MAF: variants seen among roughly 807,000 people sequenced by gnomAD.
MAF encodes MAF bZIP transcription factor, also known as transcription factor Maf.
Under a neutral mutation model 22.0 loss-of-function variants are expected in MAF, and 10 were observed. The observed-to-expected ratio is 0.45, with a 90% CI of 0.28 to 0.77. MAF has a LOEUF of 0.77. MAF is among the 30% of genes least tolerant of loss of function. The probability of loss-of-function intolerance (pLI) is 0.12; values close to 1 mark genes in which losing one functional copy is unlikely to be tolerated. For synonymous variants in MAF, 337 were observed against 255.8 expected (o/e 1.32, Z -3.03); for missense variants, 544 against 548.4 (o/e 0.99, Z 0.08).
At chr16:79,443,075 G>A in the MAF span, among the ~76,000 whole-genome samples, 1 of 152,326 alleles carries the variant, frequency 6.6e-6, no homozygotes, top group South Asian at 2.1e-4. Context: ...GGTAACAAGT[G>A]TAAGATCATT....
At chr16:79,398,630 T>C in the MAF span, among the ~76,000 whole-genome samples, 4 of 152,134 alleles carry the variant, frequency 2.6e-5, no homozygotes, top group African/African-American at 9.7e-5. Context: ...TTTGTGTCTA[T>C]CTGTATGTGT....
At chr16:79,517,709 G>T in the MAF span, among the ~76,000 whole-genome samples, 1 of 151,568 alleles carries the variant, frequency 6.6e-6, no homozygotes, top group Non-Finnish European at 1.5e-5. Flanking sequence ...CAAGTCACAG[G>T]GATTACAGGC....
chr16:79,467,733 C>A, the MAF span, among the ~76,000 whole-genome samples: 2 of 152,084 alleles, frequency 1.3e-5, no homozygotes, highest in Admixed American at 6.5e-5. Flanking sequence ...TAACAAGCCC[C>A]CCAGTGATGC....
the MAF span, among the ~76,000 whole-genome samples, chr16:79,471,731 T>C: frequency 2.0e-5 from 3 of 152,208 alleles, no homozygotes; most frequent in Admixed American, 2.0e-4. Context: ...TGAGGTTTGC[T>C]GATGTCATAG....
chr16:79,586,197 G>C (rs1018005265), intron 1 of MAF, among the ~76,000 whole-genome samples: 4 of 152,214 alleles, frequency 2.6e-5, no homozygotes, highest in African/African-American at 7.2e-5. Context: ...CTGAGAGGCT[G>C]AGATAGCCAT....
chr16:79,564,142 G>C, the MAF span, among the ~76,000 whole-genome samples: 1 of 152,236 alleles, frequency 6.6e-6, no homozygotes, highest in Non-Finnish European at 1.5e-5. Context: ...TTTCTGCTAA[G>C]TGGCTTTCAC....
At chr16:79,518,703 T>A in the MAF span, among the ~76,000 whole-genome samples, 2 of 152,278 alleles carry the variant, frequency 1.3e-5, no homozygotes, top group East Asian at 1.9e-4. Flanking sequence ...TGGCATATAA[T>A]AAGTGCTTTA....
At chr16:79,502,387 T>C in the MAF span, among the ~76,000 whole-genome samples, 5 of 152,272 alleles carry the variant, frequency 3.3e-5, no homozygotes, top group African/African-American at 9.6e-5. Context: ...CTCATCAGGC[T>C]AGGCACAGTG....
chr16:79,265,078 T>C, the MAF span, among the ~76,000 whole-genome samples: 8 of 152,172 alleles, frequency 5.3e-5, no homozygotes, highest in African/African-American at 1.9e-4. Context: ...ACTCTACGAA[T>C]TTCCTCATCT....
chr16:79,416,217 C>G, the MAF span, among the ~76,000 whole-genome samples: 1 of 152,112 alleles, frequency 6.6e-6, no homozygotes, highest in East Asian at 1.9e-4. Flanking sequence ...TGAGCTGTGG[C>G]AGCAGAACTG....
chr16:79,466,034 C>G, the MAF span, among the ~76,000 whole-genome samples: 2 of 152,202 alleles, frequency 1.3e-5, no homozygotes, highest in Non-Finnish European at 2.9e-5. Flanking sequence ...ATGAGTGACT[C>G]TGTTACCCAC....
At chr16:79,285,468 G>C in the MAF span, among the ~76,000 whole-genome samples, 1 of 152,056 alleles carries the variant, frequency 6.6e-6, no homozygotes, top group Admixed American at 6.5e-5. Flanking sequence ...CCGAAAATTT[G>C]GTCCCTGGAC....
chr16:79,233,320 C>T, the MAF span, among the ~76,000 whole-genome samples: 2 of 151,966 alleles, frequency 1.3e-5, no homozygotes, highest in East Asian at 3.9e-4. Flanking sequence ...TGAAAATGTG[C>T]TATGTTAGCC....
At chr16:79,387,536 G>T in the MAF span, among the ~76,000 whole-genome samples, 1 of 152,168 alleles carries the variant, frequency 6.6e-6, no homozygotes, top group African/African-American at 2.4e-5. Flanking sequence ...GTCAATGCTT[G>T]TTGGGTAAGG....
At chr16:79,329,982 G>T in the MAF span, among the ~76,000 whole-genome samples, 1 of 151,892 alleles carries the variant, frequency 6.6e-6, no homozygotes, top group Non-Finnish European at 1.5e-5. Context: ...AAAGACTATG[G>T]ATTAGGAAAT....
At chr16:79,421,053 TGA>T in the MAF span, among the ~76,000 whole-genome samples, 16 of 151,282 alleles carry the variant, frequency 1.1e-4, no homozygotes, top group African/African-American at 3.9e-4. Context: ...AAAAAAAAAT[TGA>T]GAGAGAGAGA....
At chr16:79,353,156 C>T in the MAF span, among the ~76,000 whole-genome samples, 3 of 150,924 alleles carry the variant, frequency 2.0e-5, no homozygotes, top group Admixed American at 2.0e-4. Flanking sequence ...GGGTCTCACT[C>T]TATCACCCAG....
the MAF span, among the ~76,000 whole-genome samples, chr16:79,499,381 A>G: frequency 1.3e-5 from 2 of 151,800 alleles, no homozygotes; most frequent in African/African-American, 2.4e-5. Context: ...CTCAATGACA[A>G]CTCCACCCTC....
At chr16:79,429,708 G>A in the MAF span, among the ~76,000 whole-genome samples, 1 of 152,150 alleles carries the variant, frequency 6.6e-6, no homozygotes, top group Non-Finnish European at 1.5e-5. Flanking sequence ...ATTAGAGGGA[G>A]TTGCTGGAAA....
Sources: allele counts gnomAD v4.1 joint callset (sites outside exome capture counted in the v4.1 genomes callset), GRCh38; gene constraint gnomAD v4.1.1; transcripts MANE v1.5; gene names NCBI Gene and HGNC (gene_info 2026-07-23, HGNC 2026-07-21).